DOCK3: variants seen among roughly 807,000 people sequenced by gnomAD.
The protein encoded by DOCK3 is dedicator of cytokinesis protein 3.
A neutral mutation model predicts 265.6 loss-of-function variants in DOCK3; 60 were observed. The observed-to-expected ratio is 0.23, with a 90% CI of 0.18 to 0.28. The LOEUF is 0.28. Among genes scored for constraint, DOCK3 ranks in the 10% least tolerant of loss-of-function variants. DOCK3 has a pLI of 1.00. For missense variants in DOCK3, 1,981 were observed against 2,594.3 expected (o/e 0.76, Z 5.14); for synonymous variants, 881 against 938.0 (o/e 0.94, Z 1.11).
At chr3:51,358,299 G>A (rs2086500756) in intron 46 of DOCK3, among the ~76,000 whole-genome samples, 1 of 152,200 alleles carries the variant, frequency 6.6e-6, no homozygotes, top group African/African-American at 2.4e-5. Context: ...CCCAAAGGAG[G>A]AGCCAGATTC....
At chr3:50,685,786 C>G (rs2034753987) in intron 1 of DOCK3, 1 of 198,950 alleles carries the variant, frequency 5.0e-6, no homozygotes, top group African/African-American at 2.3e-5. Context: ...GGCTCAAGGG[C>G]TGTCCATGGC....
intron 9 of DOCK3, among the ~76,000 whole-genome samples, chr3:51,145,140 CT>C (rs2085240809): frequency 6.6e-6 from 1 of 152,092 alleles, no homozygotes; most frequent in Non-Finnish European, 1.5e-5. Flanking sequence ...CTGATTGTAG[CT>C]TTAGCTATAA....
At chr3:51,259,708 G>A (rs1034664984) in intron 22 of DOCK3, among the ~76,000 whole-genome samples, 6 of 152,120 alleles carry the variant, frequency 3.9e-5, no homozygotes, top group Non-Finnish European at 8.8e-5. Flanking sequence ...TAAAGATGTA[G>A]GAGACTCCTA....
intron 21 of DOCK3, among the ~76,000 whole-genome samples, chr3:51,241,100 G>A (rs1274791800): frequency 6.6e-6 from 1 of 152,156 alleles, no homozygotes; most frequent in Non-Finnish European, 1.5e-5. Context: ...TCCTTCGGGA[G>A]CTCTTGTAAG....
intron 8 of DOCK3, among the ~76,000 whole-genome samples, chr3:51,089,925 A>G (rs924085468): frequency 1.3e-5 from 2 of 151,178 alleles, no homozygotes; most frequent in African/African-American, 4.9e-5. Context: ...AAAAAAAGGA[A>G]AAAGAAAATG....
intron 5 of DOCK3, among the ~76,000 whole-genome samples, chr3:51,021,436 A>G (rs1022302748): frequency 1.4e-4 from 22 of 152,186 alleles, no homozygotes; most frequent in African/African-American, 4.8e-5. Context: ...ACATGTCTCA[A>G]TTAATGTAGA....
At chr3:51,266,113 A>G (rs764608654) in intron 23 of DOCK3, among the ~76,000 whole-genome samples, 1 of 152,178 alleles carries the variant, frequency 6.6e-6, no homozygotes, top group Non-Finnish European at 1.5e-5. Flanking sequence ...TAGGAATACA[A>G]CTTAGAAGGG....
intron 23 of DOCK3, among the ~76,000 whole-genome samples, chr3:51,268,789 A>AGT (rs2080333733): frequency 6.6e-6 from 1 of 152,046 alleles, no homozygotes; most frequent in Non-Finnish European, 1.5e-5. Context: ...TCTATAAGGG[A>AGT]GTACCTGAAG....
At chr3:50,836,432 ACCCTC>A (rs980288412) in intron 2 of DOCK3, among the ~76,000 whole-genome samples, 1 of 152,166 alleles carries the variant, frequency 6.6e-6, no homozygotes, top group African/African-American at 2.4e-5. Context: ...TGGAGCTTCC[ACCCTC>A]TGAAGCAGCA....
intron 5 of DOCK3, among the ~76,000 whole-genome samples, chr3:50,951,707 G>A (rs2076596361): frequency 6.6e-6 from 1 of 151,874 alleles, no homozygotes; most frequent in South Asian, 2.1e-4. Context: ...TTTAATTTTA[G>A]CAATGGTGTT....
chr3:51,070,404 A>AG (rs2081812034), intron 6 of DOCK3, among the ~76,000 whole-genome samples: 1 of 152,176 alleles, frequency 6.6e-6, no homozygotes, highest in Non-Finnish European at 1.5e-5. Context: ...ACCTAGCTTG[A>AG]GACAAGCCCA....
At chr3:51,230,678 A>G (rs974276540) in intron 19 of DOCK3, among the ~76,000 whole-genome samples, 2 of 152,054 alleles carry the variant, frequency 1.3e-5, no homozygotes, top group African/African-American at 4.8e-5. Flanking sequence ...CACCACGCCC[A>G]GCAAATTTTT....
intron 3 of DOCK3, among the ~76,000 whole-genome samples, chr3:50,846,530 A>G (rs377498887): frequency 9.2e-5 from 14 of 152,108 alleles, no homozygotes; most frequent in African/African-American, 3.4e-4. Context: ...AGAATGAGTT[A>G]AGGAAGGGTC....
chr3:50,684,884 T>C (rs2034670121), intron 1 of DOCK3, among the ~76,000 whole-genome samples: 1 of 152,172 alleles, frequency 6.6e-6, no homozygotes, highest in African/African-American at 2.4e-5. Context: ...CTATGTAACA[T>C]TTCCTTCTGA....
At chr3:50,960,481 C>A (rs2076857310) in intron 5 of DOCK3, among the ~76,000 whole-genome samples, 1 of 151,676 alleles carries the variant, frequency 6.6e-6, no homozygotes, top group Non-Finnish European at 1.5e-5. Context: ...AGTTTATTGG[C>A]CATTTATGTG....
intron 2 of DOCK3, among the ~76,000 whole-genome samples, chr3:50,803,589 A>G (rs1249196339): frequency 6.6e-6 from 1 of 152,192 alleles, no homozygotes; most frequent in Admixed American, 6.5e-5. Context: ...GCTGCTGGGT[A>G]CACCTCCCAG....
chr3:51,006,323 C>G (rs1315643388), intron 5 of DOCK3, among the ~76,000 whole-genome samples: 2 of 148,710 alleles, frequency 1.3e-5, no homozygotes, highest in African/African-American at 4.9e-5. Flanking sequence ...TATCTTTTCT[C>G]CCTTCCCCAA....
chr3:51,331,693 C>T (rs141368359), intron 33 of DOCK3, among the ~76,000 whole-genome samples: 337 of 152,238 alleles, frequency 2.2e-3, no homozygotes, highest in Non-Finnish European at 3.8e-3. Context: ...TGCAGTGGTA[C>T]GCACCTGTAA....
At position 50,786,940 on chromosome 3, in the gene DOCK3, T is replaced by G; in HGVS notation, c.121+8182T>G. On this transcript the variant is annotated intron_variant, in intron 2 of 52. Coordinates refer to ENST00000266037, the MANE Select transcript of DOCK3 (RefSeq NM_004947.5). ...TGCATTTGAATGATTTTCCACAGGTTTCACATGTAAATGGCATGTCTTTCA... is the reference window on the plus strand; with the variant it reads ...TGCATTTGAATGATTTTCCACAGGTGTCACATGTAAATGGCATGTCTTTCA... 3 of 739,866 alleles carry G rather than the reference T, an allele frequency of 4.1e-6. No homozygotes were observed. The Admixed American group carries it at 5.2e-5, about 13-fold the overall frequency. The allele number at this position is 739,866 out of a possible 1,614,324, so 45.8% of individuals were successfully genotyped here. A position where few individuals can be genotyped will look rare whatever the true frequency, so the allele number is the denominator to read the frequency against.
Sources: gnomAD v4.1 joint callset for allele counts (sites outside exome capture counted in the v4.1 genomes callset) on GRCh38, gnomAD v4.1.1 for gene constraint, MANE v1.5 for transcripts, NCBI Gene and HGNC (gene_info 2026-07-23, HGNC 2026-07-21) for gene names.